Variants in IGF2R observed in about 807,000 individuals in gnomAD.
IGF2R encodes insulin like growth factor 2 receptor, also known as cation-independent mannose-6-phosphate receptor.
Under a neutral mutation model 270.6 loss-of-function variants are expected in IGF2R, and 91 were observed. That is an observed-to-expected ratio of 0.34 (90% CI 0.28 to 0.40). The LOEUF (loss-of-function observed/expected upper bound fraction) is 0.40. Among genes scored for constraint, IGF2R ranks in the 10% least tolerant of loss-of-function variants. The pLI is 1.00. For synonymous variants in IGF2R, 1,316 were observed against 1,258.9 expected, an observed-to-expected ratio of 1.05 and a Z score of -0.96; for missense variants, 2,805 against 3,188.3, an observed-to-expected ratio of 0.88 and a Z score of 2.90.
chr6:160,075,694 A>C (rs767170235), intron 35 of IGF2R, among the ~76,000 whole-genome samples, 153 bp from the exon 36 acceptor site: 1 of 152,194 alleles, frequency 6.6e-6, no homozygotes, highest in Non-Finnish European at 1.5e-5. Context: ...AAGCCTTCCA[A>C]CTGGAGTTGG....
At chr6:160,057,458 C>T (rs919614229) in intron 20 of IGF2R, among the ~76,000 whole-genome samples, 1 of 152,232 alleles carries the variant, frequency 6.6e-6, no homozygotes, top group African/African-American at 2.4e-5. Context: ...GCACAGGGTC[C>T]TGGCTTTGTA....
chr6:160,043,726 G>A (rs1017032703), intron 12 of IGF2R, among the ~76,000 whole-genome samples: 4 of 152,206 alleles, frequency 2.6e-5, no homozygotes, highest in African/African-American at 9.6e-5. Flanking sequence ...TCCTTTTGCT[G>A]TCATTGTTTT....
At chr6:160,056,945 C>G (rs1778329732) in intron 20 of IGF2R, among the ~76,000 whole-genome samples, 1 of 152,170 alleles carries the variant, frequency 6.6e-6, no homozygotes, top group African/African-American at 2.4e-5. Flanking sequence ...TAGAGCACAG[C>G]CTGCAGGTGT....
chr6:160,016,907 A>T (rs943298230), intron 4 of IGF2R, among the ~76,000 whole-genome samples: 2 of 152,258 alleles, frequency 1.3e-5, no homozygotes, highest in Non-Finnish European at 2.9e-5. Flanking sequence ...CCAAAAAGTG[A>T]CAGTTTCTCT....
At chr6:160,080,569 G>C (rs577046453) in intron 39 of IGF2R, among the ~76,000 whole-genome samples, 1 of 152,292 alleles carries the variant, frequency 6.6e-6, no homozygotes, top group African/African-American at 2.4e-5. Flanking sequence ...TTTTAGCCCT[G>C]GTGGTTCAGA....
chr6:160,096,683 G>C lies in IGF2R; in HGVS notation c.6842+58G>C. 3 of 1,332,858 alleles carry C rather than the reference G, an allele frequency of 2.3e-6. No homozygotes were observed. In the Admixed American group the frequency reaches 7.0e-5, roughly 31 times the overall value. 82.6% of individuals were successfully genotyped at this position (1,332,858 alleles called of 1,614,324 possible). A position where few individuals can be genotyped will look rare whatever the true frequency, so the allele number is the denominator to read the frequency against. On this transcript the variant is annotated intron_variant, in intron 45 of 47. Transcript: ENST00000356956. ...ACCCCACATCTTCCCTTAAGAATAA[G>C]TGTATGTGTGTTTTTTCCCCAATGT...
chr6:160,029,160 T>C (rs1777635681), intron 6 of IGF2R, among the ~76,000 whole-genome samples: 1 of 152,160 alleles, frequency 6.6e-6, no homozygotes, highest in Non-Finnish European at 1.5e-5. Context: ...TTTGTAGTTT[T>C]AGTAGAGATG....
chr6:160,104,694 A>T lies in IGF2R; in HGVS notation c.7086A>T (p.Thr2362=), dbSNP rs773603625. 19 of 1,613,610 alleles carry T rather than the reference A, an allele frequency of 1.2e-5. No individual in the cohort carries two copies. The highest frequency in any genetic ancestry group is 1.7e-5 in the Admixed American group (1 of 59,992). ...KYSKVNKEEE[T]DENETEWLME... is the part of the protein sequence containing the mutation. The stretch of plus-strand genomic sequence containing the variant: ...GGCAGGTGAATAAGGAAGAAGAGAC[A>T]GATGAGAATGAAACAGAGTGGCTGA... The change falls in exon 48 of 48, where the codon ACA becomes ACT. Residue 2362 remains threonine (T), a synonymous_variant. Coordinates refer to ENST00000356956, the MANE Select transcript of IGF2R (RefSeq NM_000876.4).
Position 160,059,084 on chromosome 6 carries a change from C to T in IGF2R, c.3077C>T (p.Pro1026Leu), listed in dbSNP as rs765615193. 1.2e-5 allele frequency: 20 copies of T among 1,613,916 alleles called. No homozygotes were observed. Among genetic ancestry groups the T allele is most frequent in the Non-Finnish European group, 1.7e-5 (20 of 1,179,936 alleles). ...EGFITLTYKG[P>L]LSAKGTADAF... ...TTCATCACTCTGACCTACAAAGGGC[C>T]TCTCTCTGCCAAAGGTGAGCTCAGA... The change falls in exon 22 of 48, where the codon CCT becomes CTT. Residue 1026 changes from proline (P) to leucine (L), a missense_variant. This residue lies in a region of IGF2R where 1,851 missense variants were observed against 2,207.2 expected (regional missense o/e 0.84). Coordinates refer to ENST00000356956, the MANE Select transcript of IGF2R (RefSeq NM_000876.4).
intron 44 of IGF2R, chr6:160,093,492 C>T: frequency 1.8e-6 from 1 of 541,526 alleles, no homozygotes; most frequent in Non-Finnish European, 3.4e-6. Context: ...TGGCTTTTCC[C>T]ACAGTCAAAT....
At chr6:160,057,378 A>C (rs1262285508) in intron 20 of IGF2R, among the ~76,000 whole-genome samples, 1 of 152,122 alleles carries the variant, frequency 6.6e-6, no homozygotes, top group Non-Finnish European at 1.5e-5. Flanking sequence ...TTGCCTTCCC[A>C]CTTCCTGTTC....
chr6:160,046,294 G>A (rs1202601189), intron 14 of IGF2R, among the ~76,000 whole-genome samples: 2 of 152,126 alleles, frequency 1.3e-5, no homozygotes, highest in East Asian at 1.9e-4. Flanking sequence ...AGGGAATGGT[G>A]GAGTTGGATC....
chr6:160,020,863 A>G (rs949504054), intron 4 of IGF2R, among the ~76,000 whole-genome samples: 3 of 152,246 alleles, frequency 2.0e-5, no homozygotes, highest in African/African-American at 7.2e-5. Context: ...AAAACCCAGG[A>G]AAAGCTCTCT....
chr6:160,057,982 G>A lies in IGF2R; in HGVS notation c.2797-41G>A, dbSNP rs1379431957. On this transcript the variant is annotated intron_variant, in intron 20 of 47. Coordinates refer to ENST00000356956, the MANE Select transcript of IGF2R (RefSeq NM_000876.4). ...ATGTATGTTATGTTCCTGTGGAATTGGTTTGAATGCGCCCCTTTTTCCCCA... is the reference window on the plus strand; with the variant it reads ...ATGTATGTTATGTTCCTGTGGAATTAGTTTGAATGCGCCCCTTTTTCCCCA... 4.1e-6 allele frequency: 5 copies of A among 1,205,488 alleles called. No homozygotes were observed. In the South Asian group the frequency reaches 4.8e-5, roughly 12 times the overall value. 74.7% of individuals were successfully genotyped at this position (1,205,488 alleles called of 1,614,324 possible).
In IGF2R at chr6:160,098,346, A is replaced by C. The variant is rs545013265; in HGVS notation, c.6842+1721A>C. On this transcript the variant is annotated intron_variant, in intron 45 of 47. Transcript: ENST00000356956. ...GAACATCAGGATTGGGAGCTGTTTA[A>C]ATCCCTTAACACACTGACAAGGTAA... Among the ~76,000 whole-genome samples, 39 of 152,288 alleles carry C rather than the reference A, an allele frequency of 2.6e-4. No homozygotes were observed. The South Asian group carries it at 7.3e-3, about 28-fold the overall frequency.
In IGF2R at chr6:160,105,012, G is replaced by C; in HGVS notation, c.7404G>C (p.Gln2468His). 1.2e-6 allele frequency: 2 copies of C among 1,613,534 alleles called. No homozygotes were observed. Among genetic ancestry groups the C allele is most frequent in the Non-Finnish European group, 1.7e-6 (2 of 1,179,782 alleles). Reference sequence around the variant, plus strand: ...GGAAAGGGAAGTCCAGCTCTGCACAGCAGAAGACAGTGAGCTCCACCAAGC... The same window carrying C: ...GGAAAGGGAAGTCCAGCTCTGCACACCAGAAGACAGTGAGCTCCACCAAGC... ...KARKGKSSSA[Q>H]QKTVSSTKLV... The change falls in exon 48 of 48, where the codon CAG (glutamine) becomes CAC (histidine). Residue 2468 changes from glutamine to histidine, a missense_variant. Physicochemically the swap from Gln to His is conservative, Grantham distance 24. Around this residue, in one of 2 missense-constraint regions of IGF2R, gnomAD observed 1,851 missense variants for 2,207.2 expected, o/e 0.84. Transcript: ENST00000356956.
At chr6:160,062,873 G>T (rs981044080) in intron 26 of IGF2R, among the ~76,000 whole-genome samples, 3 of 151,738 alleles carry the variant, frequency 2.0e-5, no homozygotes, top group Non-Finnish European at 2.9e-5. Context: ...CACTAATGTG[G>T]GGTTTGGTTT....
chr6:159,976,062 G>T (rs1783689008), intron 1 of IGF2R, among the ~76,000 whole-genome samples: 1 of 151,946 alleles, frequency 6.6e-6, no homozygotes, highest in African/African-American at 2.4e-5. Flanking sequence ...TTGTATATAA[G>T]ATGGACATTT....
In IGF2R at chr6:160,089,783, C is replaced by G. The variant is rs1439870340; in HGVS notation, c.6468-133C>G. 2.0e-5 allele frequency: 11 copies of G among 556,590 alleles called. No individual in the cohort carries two copies. The East Asian group carries it at 3.2e-4, about 16-fold the overall frequency. 34.5% of individuals were successfully genotyped at this position (556,590 alleles called of 1,614,324 possible). A position where few individuals can be genotyped will look rare whatever the true frequency, so the allele number is the denominator to read the frequency against. ...TGGGGTCACAGACGTGCTGCCCTAG[C>G]GTGTCCGTGCTTCCTTTCCCTAGGA... On this transcript the variant is annotated intron_variant, in intron 43 of 47. Transcript: ENST00000356956.
Sources: gnomAD v4.1 joint callset for allele counts (sites outside exome capture counted in the v4.1 genomes callset) on GRCh38, gnomAD v4.1.1 for gene constraint, gnomAD v4.1.1 regional missense constraint, MANE v1.5 for transcripts, NCBI Gene and HGNC (gene_info 2026-07-23, HGNC 2026-07-21) for gene names.